NXPH1: variants seen among roughly 807,000 people sequenced by gnomAD.
NXPH1 encodes neurexophilin-1.
A neutral mutation model predicts 23.7 loss-of-function variants in NXPH1; 5 were observed. The ratio of observed to expected loss-of-function variants is 0.21; its 90% confidence interval spans 0.11 to 0.44. NXPH1 has a LOEUF of 0.44. Among genes scored for constraint, NXPH1 ranks in the 20% least tolerant of loss-of-function variants. The pLI is 0.99. For synonymous variants in NXPH1, 144 were observed against 122.2 expected, an observed-to-expected ratio of 1.18 and a Z score of -1.18; for missense variants, 324 against 321.6, an observed-to-expected ratio of 1.01 and a Z score of -0.06.
At chr7:8,531,793 G>T (rs1324672519) in intron 2 of NXPH1, among the ~76,000 whole-genome samples, 1 of 152,148 alleles carries the variant, frequency 6.6e-6, no homozygotes, top group Non-Finnish European at 1.5e-5. Flanking sequence ...AAATAATCAA[G>T]CTGTTTTCAC....
At chr7:8,486,587 A>G (rs116681195) in intron 2 of NXPH1, among the ~76,000 whole-genome samples, 5,287 of 152,252 alleles carry the variant, frequency 0.035, 276 homozygotes, top group African/African-American at 0.12. Context: ...TAAGACAAGG[A>G]TCATAAAGAC....
At position 8,494,362 on chromosome 7, in the gene NXPH1, C is replaced by T. The variant is rs181087901; in HGVS notation, c.54+58595C>T. ...TTCAATTTTTATCTCTTTGTATCCACCTGTGAGATAGGTAGTATCTTTTTC... is the reference window on the plus strand; with the variant it reads ...TTCAATTTTTATCTCTTTGTATCCATCTGTGAGATAGGTAGTATCTTTTTC... On this transcript the variant is annotated intron_variant, in intron 2 of 2. Transcript: ENST00000405863. Among the ~76,000 whole-genome samples, 80 of 151,948 alleles carry T rather than the reference C, an allele frequency of 5.3e-4. No individual in the cohort carries two copies. In the East Asian group the frequency reaches 0.012, roughly 23 times the overall value.
At chr7:8,529,590 A>T (rs1817920585) in intron 2 of NXPH1, among the ~76,000 whole-genome samples, 1 of 152,228 alleles carries the variant, frequency 6.6e-6, no homozygotes, top group African/African-American at 2.4e-5. Flanking sequence ...CCTGCATTCA[A>T]GTCTTGGCTT....
intron 2 of NXPH1, among the ~76,000 whole-genome samples, chr7:8,614,380 T>C (rs529583780): frequency 6.6e-6 from 1 of 152,018 alleles, no homozygotes; most frequent in Non-Finnish European, 1.5e-5. Context: ...TCCTACTGGC[T>C]GTTTAAGAGA....
At chr7:8,478,888 T>C (rs1301180898) in intron 2 of NXPH1, among the ~76,000 whole-genome samples, 1 of 152,046 alleles carries the variant, frequency 6.6e-6, no homozygotes, top group African/African-American at 2.4e-5. Context: ...GATTTTTATA[T>C]CTAGAAAAAC....
chr7:8,544,079 G>T (rs1818159832), intron 2 of NXPH1, among the ~76,000 whole-genome samples: 1 of 151,566 alleles, frequency 6.6e-6, no homozygotes, highest in African/African-American at 2.4e-5. Context: ...TCTTGCTGGG[G>T]CACATGTTGC....
chr7:8,607,782 T>C (rs973360853), intron 2 of NXPH1, among the ~76,000 whole-genome samples: 4 of 152,238 alleles, frequency 2.6e-5, no homozygotes, highest in Middle Eastern at 3.2e-3. Flanking sequence ...GTTGAGGTCC[T>C]AACATCTGGT....
At chr7:8,579,945 A>G (rs1007721894) in intron 2 of NXPH1, among the ~76,000 whole-genome samples, 7 of 152,212 alleles carry the variant, frequency 4.6e-5, no homozygotes, top group African/African-American at 1.7e-4. Context: ...GAGAAAAAGC[A>G]AAGTCTTTAC....
chr7:8,573,363 T>A (rs1283373771), intron 2 of NXPH1, among the ~76,000 whole-genome samples: 1 of 152,090 alleles, frequency 6.6e-6, no homozygotes, highest in African/African-American at 2.4e-5. Flanking sequence ...ATTTTGGGAA[T>A]TAAGGGTATA....
chr7:8,673,669 G>T (rs756333178), intron 2 of NXPH1, among the ~76,000 whole-genome samples: 2 of 152,088 alleles, frequency 1.3e-5, no homozygotes, highest in Non-Finnish European at 2.9e-5. Flanking sequence ...TTGTGTGTGT[G>T]TGCATGTATG....
intron 2 of NXPH1, among the ~76,000 whole-genome samples, chr7:8,492,777 G>A (rs960866675): frequency 1.3e-5 from 2 of 151,942 alleles, no homozygotes; most frequent in Non-Finnish European, 2.9e-5. Flanking sequence ...TAGAACTAAT[G>A]CCATGGAAAT....
rs1324420086 is a variant in NXPH1, at chr7:8,442,775, T to C, written c.54+7008T>C. 1.3e-5 allele frequency among the ~76,000 whole-genome samples: 2 copies of C among 152,200 alleles called. No individual in the cohort carries two copies. Among genetic ancestry groups the C allele is most frequent in the Non-Finnish European group, 2.9e-5 (2 of 68,024 alleles). On this transcript the variant is annotated intron_variant, in intron 2 of 2. Transcript: ENST00000405863. The surrounding 1 kb of genome is among the most constrained non-coding windows in gnomAD (Gnocchi z 4.6). ...CTCGACAGGTTTATGGAAACACAGATGCAGCCCTCTCGCGTCCGGAGCCCA... is the reference window on the plus strand; with the variant it reads ...CTCGACAGGTTTATGGAAACACAGACGCAGCCCTCTCGCGTCCGGAGCCCA...
At chr7:8,493,477 T>A (rs1186761440) in intron 2 of NXPH1, among the ~76,000 whole-genome samples, 1 of 152,014 alleles carries the variant, frequency 6.6e-6, no homozygotes, top group Non-Finnish European at 1.5e-5. Flanking sequence ...ACATTTGGAC[T>A]ATGTGAAGAA....
chr7:8,710,177 G>T (rs12702770), intron 2 of NXPH1, among the ~76,000 whole-genome samples: 1 of 151,998 alleles, frequency 6.6e-6, no homozygotes, highest in Non-Finnish European at 1.5e-5. Flanking sequence ...GGGTGTTTGA[G>T]CTCTTGATTA....
chr7:8,662,114 T>C (rs1820685585), intron 2 of NXPH1, among the ~76,000 whole-genome samples: 1 of 151,920 alleles, frequency 6.6e-6, no homozygotes, highest in African/African-American at 2.4e-5. Flanking sequence ...ATGCTTTGGC[T>C]CACATTTCTA....
At chr7:8,698,925 T>A (rs918050910) in intron 2 of NXPH1, among the ~76,000 whole-genome samples, 1 of 152,132 alleles carries the variant, frequency 6.6e-6, no homozygotes, top group Non-Finnish European at 1.5e-5. Context: ...AGGGTAAAAA[T>A]TTATTTTCAG....
At chr7:8,505,396 G>A (rs1443993319) in intron 2 of NXPH1, among the ~76,000 whole-genome samples, 1 of 151,954 alleles carries the variant, frequency 6.6e-6, no homozygotes, top group Non-Finnish European at 1.5e-5. Context: ...ATTTGCCCCA[G>A]AGTAGCCTGA....
intron 2 of NXPH1, among the ~76,000 whole-genome samples, chr7:8,534,541 T>C (rs1283368064): frequency 2.0e-5 from 3 of 152,162 alleles, no homozygotes; most frequent in East Asian, 1.9e-4. Flanking sequence ...AGGTATTTCA[T>C]ATCTCATATA....
At chr7:8,648,418 T>C (rs75729701) in intron 2 of NXPH1, among the ~76,000 whole-genome samples, 106,385 of 151,674 alleles carry the variant, frequency 0.7, 38,104 homozygotes, top group East Asian at 1. Flanking sequence ...ATGTGATGTT[T>C]GTTTTTCTGT....
Sources: gnomAD v4.1 joint callset for allele counts (sites outside exome capture counted in the v4.1 genomes callset) on GRCh38, gnomAD v4.1.1 for gene constraint, Gnocchi (gnomAD v3.1) non-coding constraint, MANE v1.5 for transcripts, NCBI Gene and HGNC (gene_info 2026-07-23, HGNC 2026-07-21) for gene names.